CDCP1: variants seen among roughly 807,000 people sequenced by gnomAD.
The protein encoded by CDCP1 is CUB domain-containing protein 1.
Under a neutral mutation model 60.2 loss-of-function variants are expected in CDCP1, and 29 were observed. The ratio of observed to expected loss-of-function variants is 0.48; its 90% CI spans 0.36 to 0.66. The LOEUF is 0.66. CDCP1 is among the 30% of genes least tolerant of loss of function. The pLI is 0.00. For synonymous variants in CDCP1, 387 were observed against 431.1 expected (o/e 0.90, Z 1.27); for missense variants, 876 against 1,074.3 (o/e 0.82, Z 2.58).
At chr3:45,136,791 C>G (rs1699197857) in intron 1 of CDCP1, among the ~76,000 whole-genome samples, 1 of 152,122 alleles carries the variant, frequency 6.6e-6, no homozygotes, top group Admixed American at 6.6e-5. Flanking sequence ...ATATTCATAC[C>G]TGGCTTTAAA....
At chr3:45,102,965 A>AT (rs57267322) in intron 4 of CDCP1, among the ~76,000 whole-genome samples, 71,230 of 148,802 alleles carry the variant, frequency 0.48, 17,421 homozygotes, top group East Asian at 0.79. Context: ...CTTGGTCTTG[A>AT]TTTTTTTTTT....
At chr3:45,107,610 T>C (rs991243692) in intron 4 of CDCP1, among the ~76,000 whole-genome samples, 1 of 152,200 alleles carries the variant, frequency 6.6e-6, no homozygotes, top group African/African-American at 2.4e-5. Flanking sequence ...TACCTCACAC[T>C]GTCCTCACAA....
intron 3 of CDCP1, 100 bp downstream of exon 3, chr3:45,111,983 G>T: frequency 7.1e-7 from 1 of 1,407,134 alleles, no homozygotes; most frequent in African/African-American, 1.4e-5. Context: ...TTTTTATATT[G>T]AGTATTAGAG....
rs540502708 is a variant in CDCP1 at position 45,120,115 on chromosome 3, T to G, written c.83-1494A>C. Among the ~76,000 whole-genome samples, 328 of 152,328 alleles carry G rather than the reference T, an allele frequency of 2.2e-3. 2 individuals carry two copies. The Middle Eastern group carries it at 0.027, about 13-fold the overall frequency. On this transcript the variant is annotated intron_variant, in intron 1 of 8. Coordinates refer to ENST00000296129, the MANE Select transcript of CDCP1 (RefSeq NM_022842.5). ...ATGACATCTGAGTCCTCTTCAGTGT[T>G]GGACGAGCCATGTGCTATAATTTTA...
chr3:45,087,506 C>T (rs189135908), intron 8 of CDCP1, among the ~76,000 whole-genome samples: 15 of 152,278 alleles, frequency 9.9e-5, no homozygotes, highest in Admixed American at 9.1e-4. Flanking sequence ...GTGGGCTATT[C>T]CGTGCACCGC....
At chr3:45,142,156 C>G (rs945118438) in intron 1 of CDCP1, among the ~76,000 whole-genome samples, 2 of 151,956 alleles carry the variant, frequency 1.3e-5, no homozygotes, top group African/African-American at 4.8e-5. Flanking sequence ...TCTTAACCAC[C>G]AAGGCAGAGA....
chr3:45,120,915 CCCACCACT>C (rs972754173), intron 1 of CDCP1, among the ~76,000 whole-genome samples: 4 of 9,516 alleles, frequency 4.2e-4, no homozygotes, highest in East Asian at 0.01. Context: ...CTCCCCTCCC[CCCACCACT>C]TCAGTCCTCC....
chr3:45,097,937 T>C (rs146601615), intron 4 of CDCP1, among the ~76,000 whole-genome samples: 11 of 152,248 alleles, frequency 7.2e-5, no homozygotes, highest in East Asian at 1.9e-4. Flanking sequence ...ATTTGGAAAA[T>C]AGTCAGCTTT....
intron 4 of CDCP1, among the ~76,000 whole-genome samples, chr3:45,097,317 A>AAT (rs1316709986): frequency 2.6e-5 from 4 of 150,998 alleles, no homozygotes; most frequent in African/African-American, 9.8e-5. Context: ...CAAAAAAAAA[A>AAT]GAAAGAAAGA....
At chr3:45,122,274 G>T (rs1347136401) in intron 1 of CDCP1, among the ~76,000 whole-genome samples, 1 of 151,650 alleles carries the variant, frequency 6.6e-6, no homozygotes, top group Non-Finnish European at 1.5e-5. Flanking sequence ...CTCCCGAGTA[G>T]CTGGGACTAA....
intron 2 of CDCP1, among the ~76,000 whole-genome samples, chr3:45,115,463 TG>T (rs1331421369): frequency 6.6e-6 from 1 of 152,212 alleles, no homozygotes; most frequent in Non-Finnish European, 1.5e-5. Flanking sequence ...TATAAACTAT[TG>T]TCCTACTATA....
chr3:45,115,773 G>A (rs1178470352), intron 2 of CDCP1, among the ~76,000 whole-genome samples: 3 of 151,504 alleles, frequency 2.0e-5, no homozygotes, highest in Non-Finnish European at 4.4e-5. Flanking sequence ...GCACAATCTC[G>A]GCTCACTGCA....
At position 45,118,546 on chromosome 3, in the gene CDCP1, G is replaced by C. The variant is rs138913446; in HGVS notation, c.158C>G (p.Ala53Gly). ...AGAAATGACGATGTAACAGGGTTTT[G>C]CCAGCAGAGTCGGGGTCCCCAGCTT... Reference protein sequence around the residue: ...LIKLGTPTLLAKPCYIVISKR... With the variant: ...LIKLGTPTLLGKPCYIVISKR... Residue 53 changes from alanine (A) to glycine (G), a missense_variant, in exon 2 of 9, where the codon GCA becomes GGA. By Grantham distance (60) the Ala-to-Gly change is moderately conservative. Coordinates refer to ENST00000296129, the MANE Select transcript of CDCP1 (RefSeq NM_022842.5). The C allele has an allele frequency of 3.1e-6, 5 of 1,613,990 alleles. No individual in the cohort carries two copies. The African/African-American group carries it at 6.7e-5, about 22-fold the overall frequency.
Position 45,091,609 on chromosome 3 carries a change from A to C in CDCP1, c.1628-71T>G. ...ACATGGAGAGGAAAGGGAGTGGTGG[A>C]GGAGACGAAGTCCAACTGTCCAGAC... On this transcript the variant is annotated intron_variant, in intron 6 of 8. Transcript: ENST00000296129. The surrounding 1 kb of genome is among the most constrained non-coding windows in gnomAD (Gnocchi z 4.8). 6.7e-7 allele frequency: 1 copy of C among 1,486,484 alleles called. No homozygotes were observed. Among genetic ancestry groups the C allele is most frequent in the Non-Finnish European group, 8.9e-7 (1 of 1,118,616 alleles). The allele number at this position is 1,486,484 out of a possible 1,614,324, so 92.1% of individuals were successfully genotyped here.
At chr3:45,109,103 T>C (rs967457330) in intron 4 of CDCP1, among the ~76,000 whole-genome samples, 48 of 151,250 alleles carry the variant, frequency 3.2e-4, no homozygotes, top group African/African-American at 1.1e-3. Flanking sequence ...GTGCGCGCCA[T>C]CATGCCTGGC....
In CDCP1 at chr3:45,112,378, G is replaced by A. The variant is rs955478964; in HGVS notation, c.360C>T (p.Thr120=). The A allele has an allele frequency of 2.5e-6, 4 of 1,614,106 alleles. No homozygotes were observed. The highest frequency in any genetic ancestry group is 3.4e-6 in the Non-Finnish European group (4 of 1,180,044). The change falls in exon 3 of 9, where the codon ACC becomes ACT. Residue 120 remains threonine (T), a synonymous_variant. Coordinates refer to ENST00000296129, the MANE Select transcript of CDCP1 (RefSeq NM_022842.5). The part of the protein sequence containing the change: ...QLQPSTSLLP[T]LNRTFIWDVK... ...CATCCCAGATGAAAGTTCTGTTGAG[G>A]GTAGGCAACAACGATGTCGAGGGCT... is the stretch of plus-strand genomic sequence containing the variant.
At chr3:45,125,709 T>C (rs1034616577) in intron 1 of CDCP1, among the ~76,000 whole-genome samples, 2 of 152,218 alleles carry the variant, frequency 1.3e-5, no homozygotes, top group African/African-American at 4.8e-5. Flanking sequence ...GGGTGGGGAC[T>C]ACGTAAGGCA....
chr3:45,119,846 T>C (rs922730082), intron 1 of CDCP1, among the ~76,000 whole-genome samples: 9 of 152,234 alleles, frequency 5.9e-5, no homozygotes, highest in African/African-American at 2.2e-4. Context: ...GTTCCCTCAG[T>C]GCCCCTCTGC....
intron 8 of CDCP1, 59 bp from the exon 9 acceptor site, chr3:45,086,126 C>T: frequency 7.0e-7 from 1 of 1,437,738 alleles, no homozygotes; most frequent in Non-Finnish European, 9.7e-7. Flanking sequence ...CGATGGGTAC[C>T]ATTGCTATGG....
Sources: allele counts gnomAD v4.1 joint callset (sites outside exome capture counted in the v4.1 genomes callset), GRCh38; gene constraint gnomAD v4.1.1; non-coding constraint Gnocchi (gnomAD v3.1); transcripts MANE v1.5; gene names NCBI Gene and HGNC (gene_info 2026-07-23, HGNC 2026-07-21).